DIAPH2: variants seen among roughly 807,000 people sequenced by gnomAD.
DIAPH2 encodes the protein protein diaphanous homolog 2.
DIAPH2 carries 35 observed loss-of-function variants against 92.7 expected under a neutral mutation model. The ratio of observed to expected loss-of-function variants is 0.38; its 90% CI spans 0.29 to 0.50. The LOEUF (loss-of-function observed/expected upper bound fraction) is 0.50. Ranked by LOEUF, DIAPH2 falls within the 20% of genes least tolerant of loss-of-function variation. The pLI, the probability that DIAPH2 is intolerant of heterozygous loss-of-function variation, is 0.94. For synonymous variants in DIAPH2, 301 were observed against 280.4 expected (o/e 1.07, Z -0.73); for missense variants, 701 against 819.5 (o/e 0.86, Z 1.77).
chrX:97,325,666 G>A (rs1047087595), intron 23 of DIAPH2, among the ~76,000 whole-genome samples: 4 of 108,445 alleles, frequency 3.7e-5, no homozygotes, highest in South Asian at 7.8e-4. Flanking sequence ...CAAGCTCCGC[G>A]TCCCGGGTTC....
At chrX:96,979,444 G>T (rs760273186) in intron 17 of DIAPH2, among the ~76,000 whole-genome samples, 46 of 111,933 alleles carry the variant, frequency 4.1e-4, no homozygotes, top group Non-Finnish European at 7.7e-4. Flanking sequence ...AATGTACTTA[G>T]ACTGAACTCC....
In DIAPH2 at chrX:96,945,096, ATCGAATGT is replaced by A. The variant is rs772090223; in HGVS notation, c.1445-429_1445-422del. On this transcript the variant is annotated intron_variant, in intron 13 of 26. Transcript: ENST00000324765. ...ATCTTTTCATGAAGAAGCCTGAATTATCGAATGTTATTCTGTCTCTCTCTAGCTTTTTT... is the reference window on the plus strand; with the variant it reads ...ATCTTTTCATGAAGAAGCCTGAATTATATTCTGTCTCTCTCTAGCTTTTTT... Among the ~76,000 whole-genome samples, 289 of 111,073 alleles carry A rather than the reference ATCGAATGT, an allele frequency of 2.6e-3. 2 individuals are homozygous for A. Among genetic ancestry groups the A allele is most frequent in the Non-Finnish European group, 3.9e-3 (205 of 52,675 alleles).
At chrX:96,774,021 T>C (rs1033708686) in intron 4 of DIAPH2, among the ~76,000 whole-genome samples, 1 of 112,062 alleles carries the variant, frequency 8.9e-6, no homozygotes, top group Admixed American at 9.5e-5. Flanking sequence ...TATTTAACAC[T>C]GAATAATAGT....
intron 26 of DIAPH2, among the ~76,000 whole-genome samples, chrX:97,561,959 A>G (rs941235516): frequency 8.9e-6 from 1 of 112,534 alleles, no homozygotes; most frequent in African/African-American, 3.2e-5. Context: ...GGATCACAGT[A>G]TGAAATACAG....
At position 96,989,178 on chromosome X, in the gene DIAPH2, A is replaced by G. The variant is rs577726765; in HGVS notation, c.2050+23971A>G. Among the ~76,000 whole-genome samples, 6 of 111,909 alleles carry G rather than the reference A, an allele frequency of 5.4e-5. No homozygotes were observed. In the South Asian group the frequency reaches 1.9e-3, roughly 35 times the overall value. Reference sequence around the variant, plus strand: ...TCTTGTGGTTGATAGTAAATTTAGCATTTATTAATTATTGACAAACTGCCA... The same window carrying G: ...TCTTGTGGTTGATAGTAAATTTAGCGTTTATTAATTATTGACAAACTGCCA... On this transcript the variant is annotated intron_variant, in intron 17 of 26. Coordinates refer to ENST00000324765, the MANE Select transcript of DIAPH2 (RefSeq NM_006729.5).
chrX:97,516,234 G>A lies in DIAPH2; in HGVS notation c.3242-83019G>A, dbSNP rs186935758. ...CGCGCCACTGCATTCCAGCCTCAGC[G>A]ACAGAGCGAGACACCATCTCAAAAA... On this transcript the variant is annotated intron_variant, in intron 26 of 26. Transcript: ENST00000324765. Among the ~76,000 whole-genome samples, 216 of 108,671 alleles carry A rather than the reference G, an allele frequency of 2.0e-3. 1 individual carries two copies. Among genetic ancestry groups the A allele is most frequent in the African/African-American group, 6.7e-3 (199 of 29,694 alleles). The allele number at this position is 108,671 out of a possible 115,157, so 94.4% of individuals were successfully genotyped here.
intron 8 of DIAPH2, 93 bp from the exon 9 acceptor site, chrX:96,918,416 C>A: frequency 1.9e-6 from 1 of 526,188 alleles, no homozygotes. Context: ...CATCAAATAC[C>A]AGAAAGAAAA....
rs1411701352 is a variant in DIAPH2 at position 96,962,394 on chromosome X, C to CATATATATATACAT, written c.1936-2690_1936-2689insTACATATATATATA. ...ATATATATATACACATATATATACA[C>CATATATATATACAT]ATATATATACACATATATATATACA... is the stretch of plus-strand genomic sequence containing the variant. On this transcript the variant is annotated intron_variant, in intron 16 of 26. Transcript: ENST00000324765. Among the ~76,000 whole-genome samples the CATATATATATACAT allele has an allele frequency of 2.2e-4, 12 of 55,604 alleles. 2 individuals are homozygous for CATATATATATACAT. Among genetic ancestry groups the CATATATATATACAT allele is most frequent in the African/African-American group, 9.6e-4 (11 of 11,406 alleles). The allele number at this position is 55,604 out of a possible 115,157, so 48.3% of individuals were successfully genotyped here.
chrX:97,155,687 C>G (rs916791534), intron 22 of DIAPH2, among the ~76,000 whole-genome samples: 3 of 111,076 alleles, frequency 2.7e-5, no homozygotes, highest in African/African-American at 6.6e-5. Context: ...ATATTGGCAT[C>G]CTTATGAAAA....
intron 4 of DIAPH2, among the ~76,000 whole-genome samples, chrX:96,815,467 T>C (rs908148387): frequency 8.9e-6 from 1 of 112,127 alleles, no homozygotes; most frequent in African/African-American, 3.2e-5. Context: ...GAAATCCCCC[T>C]ACCCCTTGCA....
At chrX:97,496,903 A>G (rs2070762793) in intron 26 of DIAPH2, among the ~76,000 whole-genome samples, 1 of 112,100 alleles carries the variant, frequency 8.9e-6, no homozygotes, top group Admixed American at 9.5e-5. Context: ...TCCATAAATG[A>G]AATTTTAAAA....
At chrX:97,496,708 G>A (rs1177198888) in intron 26 of DIAPH2, among the ~76,000 whole-genome samples, 3 of 98,857 alleles carry the variant, frequency 3.0e-5, no homozygotes, top group African/African-American at 7.5e-5. Context: ...CACCAAGGGG[G>A]GAGTGCCATA....
intron 24 of DIAPH2, among the ~76,000 whole-genome samples, chrX:97,370,323 T>A (rs1269761202): frequency 9.0e-6 from 1 of 111,592 alleles, no homozygotes; most frequent in Non-Finnish European, 1.9e-5. Context: ...AGGAATTTTA[T>A]TGGCTGTGTA....
intron 17 of DIAPH2, among the ~76,000 whole-genome samples, chrX:97,020,259 CA>C (rs1450985810): frequency 8.9e-6 from 1 of 112,099 alleles, no homozygotes; most frequent in Non-Finnish European, 1.9e-5. Flanking sequence ...CTCAGGAACA[CA>C]ATTCTTAATT....
At chrX:96,958,358 G>A (rs759907706) in intron 16 of DIAPH2, among the ~76,000 whole-genome samples, 3 of 111,946 alleles carry the variant, frequency 2.7e-5, no homozygotes, top group Admixed American at 9.4e-5. Context: ...AAGGAAAATC[G>A]AAGTGATGTA....
At chrX:96,749,142 AAAAATAT>A (rs1365307042) in intron 3 of DIAPH2, among the ~76,000 whole-genome samples, 3 of 79,282 alleles carry the variant, frequency 3.8e-5, no homozygotes, top group Non-Finnish European at 6.9e-5. Flanking sequence ...AAAAAAAAAA[AAAAATAT>A]ATATATATAT....
chrX:97,585,259 T>C (rs1229495954), intron 26 of DIAPH2, among the ~76,000 whole-genome samples: 1 of 108,911 alleles, frequency 9.2e-6, no homozygotes, highest in Non-Finnish European at 1.9e-5. Context: ...CTGACTTTTT[T>C]TTTTTTTTTT....
At chrX:96,719,015 C>T (rs2063973066) in intron 1 of DIAPH2, among the ~76,000 whole-genome samples, 2 of 111,812 alleles carry the variant, frequency 1.8e-5, no homozygotes, top group Non-Finnish European at 3.8e-5. Flanking sequence ...TTTTGATTTG[C>T]ATTTCCGTGA....
At chrX:97,592,915 T>C (rs2070017084) in intron 26 of DIAPH2, among the ~76,000 whole-genome samples, 1 of 112,041 alleles carries the variant, frequency 8.9e-6, no homozygotes, top group African/African-American at 3.2e-5. Flanking sequence ...TCTGTTTTCT[T>C]TGCACGGATT....
Sources: allele counts gnomAD v4.1 joint callset (sites outside exome capture counted in the v4.1 genomes callset), GRCh38; gene constraint gnomAD v4.1.1; transcripts MANE v1.5; gene names NCBI Gene and HGNC (gene_info 2026-07-23, HGNC 2026-07-21).